The following LRP1B variants were observed in gnomAD, a reference collection of about 807,000 sequenced individuals.
LRP1B encodes low-density lipoprotein receptor-related protein 1B.
LRP1B carries 217 observed loss-of-function variants against 556.6 expected under a neutral mutation model. That is an observed-to-expected ratio of 0.39 (90% CI 0.35 to 0.44). LRP1B has a LOEUF of 0.44. LRP1B is among the 20% of genes least tolerant of loss of function. The pLI is 1.00. For missense variants in LRP1B, 5,053 were observed against 5,620.8 expected (o/e 0.90, Z 3.23); for synonymous variants, 2,047 against 1,865.8 (o/e 1.10, Z -2.50).
intron 13 of LRP1B, 57 bp downstream of exon 13, chr2:141,015,639 A>G (rs2105388583): frequency 3.0e-6 from 4 of 1,322,702 alleles, no homozygotes; most frequent in Non-Finnish European, 4.3e-6. Flanking sequence ...ACAACACAAC[A>G]AGGCTCTGTG....
intron 2 of LRP1B, among the ~76,000 whole-genome samples, chr2:141,701,579 C>T (rs949526522): frequency 2.0e-5 from 3 of 151,780 alleles, no homozygotes; most frequent in Non-Finnish European, 4.4e-5. Context: ...CTGCTACCCC[C>T]AAGAACCTGC....
At chr2:141,731,339 G>A (rs1349299866) in intron 2 of LRP1B, among the ~76,000 whole-genome samples, 1 of 152,074 alleles carries the variant, frequency 6.6e-6, no homozygotes, top group Non-Finnish European at 1.5e-5. Flanking sequence ...TTGCGGGTAA[G>A]GATAAGGGTT....
At chr2:140,345,429 T>A (rs1176886067) in intron 77 of LRP1B, among the ~76,000 whole-genome samples, 1 of 151,520 alleles carries the variant, frequency 6.6e-6, no homozygotes, top group Non-Finnish European at 1.5e-5. Context: ...ATCTTCTTAT[T>A]TATTTTCTCT....
Position 141,591,364 on chromosome 2 carries a change from T to A in LRP1B, c.206-110831A>T, listed in dbSNP as rs201780952. On this transcript the variant is annotated intron_variant, in intron 2 of 90. Transcript: ENST00000389484. Reference sequence around the variant, plus strand: ...GTTTTTTTTTGTTGTTGTTTGTTTGTTTTTTTTTTTTTCCCAGGCCTCTGA... The same window carrying A: ...GTTTTTTTTTGTTGTTGTTTGTTTGATTTTTTTTTTTTCCCAGGCCTCTGA... Among the ~76,000 whole-genome samples, 19 of 99,448 alleles carry A rather than the reference T, an allele frequency of 1.9e-4. No homozygotes were observed. In the South Asian group the frequency reaches 5.5e-3, roughly 29 times the overall value. The allele number at this position is 99,448 out of a possible 152,430, so 65.2% of individuals were successfully genotyped here.
At chr2:141,642,242 A>T (rs1689363936) in intron 2 of LRP1B, among the ~76,000 whole-genome samples, 1 of 152,196 alleles carries the variant, frequency 6.6e-6, no homozygotes, top group African/African-American at 2.4e-5. Context: ...TTAAACATTT[A>T]AAAATTAAAA....
intron 3 of LRP1B, among the ~76,000 whole-genome samples, chr2:141,339,518 A>G (rs1002962799): frequency 6.6e-6 from 1 of 152,126 alleles, no homozygotes; most frequent in Non-Finnish European, 1.5e-5. Context: ...CAGTTTTCTC[A>G]TCTGAAAAAG....
chr2:140,600,033 TA>T (rs1166602461), intron 42 of LRP1B, among the ~76,000 whole-genome samples: 1 of 152,174 alleles, frequency 6.6e-6, no homozygotes, highest in Non-Finnish European at 1.5e-5. Context: ...CAAATTGAAA[TA>T]TTTTATGTGT....
chr2:142,123,298 T>C (rs1038994929), intron 1 of LRP1B, among the ~76,000 whole-genome samples: 1 of 151,964 alleles, frequency 6.6e-6, no homozygotes, highest in African/African-American at 2.4e-5. Flanking sequence ...AACTCAGCGG[T>C]AGAAAAATTC....
At chr2:141,791,378 T>TACAC (rs770659142) in intron 2 of LRP1B, among the ~76,000 whole-genome samples, 8 of 151,730 alleles carry the variant, frequency 5.3e-5, no homozygotes, top group African/African-American at 1.7e-4. Context: ...TTGAGCTATA[T>TACAC]ACACACACAC....
chr2:140,532,147 C>A (rs1690722325), intron 47 of LRP1B, among the ~76,000 whole-genome samples: 1 of 152,040 alleles, frequency 6.6e-6, no homozygotes, highest in Non-Finnish European at 1.5e-5. Flanking sequence ...AAAATGCAAA[C>A]CATCCTTATT....
intron 18 of LRP1B, among the ~76,000 whole-genome samples, chr2:140,977,367 C>T (rs985556051): frequency 3.3e-5 from 5 of 152,164 alleles, no homozygotes; most frequent in Non-Finnish European, 7.3e-5. Flanking sequence ...AGTTAAACCT[C>T]TTTCTTTTGT....
chr2:141,337,121 G>T (rs1377899057), intron 3 of LRP1B, among the ~76,000 whole-genome samples: 1 of 152,130 alleles, frequency 6.6e-6, no homozygotes, highest in Non-Finnish European at 1.5e-5. Flanking sequence ...CTGCCAAACT[G>T]TTTTCCAGAG....
intron 86 of LRP1B, among the ~76,000 whole-genome samples, chr2:140,259,628 A>G (rs1558932036): frequency 6.6e-6 from 1 of 152,104 alleles, no homozygotes; most frequent in African/African-American, 2.4e-5. Context: ...TAACACAGTA[A>G]TGATTTAACA....
chr2:140,998,066 C>T (rs1697305465), intron 15 of LRP1B, among the ~76,000 whole-genome samples: 1 of 152,008 alleles, frequency 6.6e-6, no homozygotes, highest in Admixed American at 6.6e-5. Context: ...GAACATAAGG[C>T]TTGTCACAGC....
chr2:140,262,312 A>G (rs771992695), intron 86 of LRP1B, among the ~76,000 whole-genome samples: 26 of 152,188 alleles, frequency 1.7e-4, no homozygotes, highest in Non-Finnish European at 3.1e-4. Flanking sequence ...AGAAATAAAA[A>G]AGACCTAGTG....
chr2:141,644,438 C>T (rs556540834), intron 2 of LRP1B, among the ~76,000 whole-genome samples: 1 of 152,168 alleles, frequency 6.6e-6, no homozygotes, highest in South Asian at 2.1e-4. Flanking sequence ...GTAAGTCCAT[C>T]AAACCTCTTT....
chr2:140,503,229 A>T (rs1251319255), intron 53 of LRP1B, 126 bp from the exon 54 acceptor site: 18 of 860,548 alleles, frequency 2.1e-5, no homozygotes, highest in Non-Finnish European at 3.0e-5. Flanking sequence ...AATATTTCTC[A>T]TTTCTTTCTG....
intron 43 of LRP1B, among the ~76,000 whole-genome samples, chr2:140,591,637 C>T (rs1013073606): frequency 6.6e-6 from 1 of 152,160 alleles, no homozygotes; most frequent in African/African-American, 2.4e-5. Flanking sequence ...TGGTAAAGAA[C>T]CAGGAATCTG....
chr2:140,602,985 T>C (rs1176091159), intron 41 of LRP1B, among the ~76,000 whole-genome samples: 1 of 152,016 alleles, frequency 6.6e-6, no homozygotes, highest in Non-Finnish European at 1.5e-5. Context: ...GCTCCCCCAT[T>C]CACCTGATTC....
Sources: gnomAD v4.1 joint callset for allele counts (sites outside exome capture counted in the v4.1 genomes callset) on GRCh38, gnomAD v4.1.1 for gene constraint, MANE v1.5 for transcripts, NCBI Gene and HGNC (gene_info 2026-07-23, HGNC 2026-07-21) for gene names.